ADGRG1: variants seen among roughly 807,000 people sequenced by gnomAD.
ADGRG1 encodes the protein 7-transmembrane protein with no EGF-like N-terminal domains-1.
A neutral mutation model predicts 73.5 loss-of-function variants in ADGRG1; 53 were observed. The ratio of observed to expected loss-of-function variants is 0.72; its 90% confidence interval spans 0.58 to 0.91. The LOEUF is 0.91. Among genes scored for constraint, ADGRG1 ranks in the 40% least tolerant of loss-of-function variants. ADGRG1 has a pLI of 0.00. For missense variants in ADGRG1, 795 were observed against 871.8 expected, an observed-to-expected ratio of 0.91 and a Z score of 1.11; for synonymous variants, 394 against 374.4, an observed-to-expected ratio of 1.05 and a Z score of -0.60.
At chr16:57,635,453 G>A (rs989849592) in intron 1 of ADGRG1, 3 of 985,170 alleles carry the variant, frequency 3.0e-6, no homozygotes, top group Middle Eastern at 5.2e-4. Flanking sequence ...CAGCCATGGT[G>A]GGGGAGGACA....
chr16:57,631,420 G>C lies in ADGRG1; in HGVS notation c.-36+2618G>C, dbSNP rs2037874679. 6.1e-6 allele frequency: 6 copies of C among 985,256 alleles called. No individual in the cohort carries two copies. In the South Asian group the frequency reaches 2.3e-4, roughly 39 times the overall value. 61.0% of individuals were successfully genotyped at this position (985,256 alleles called of 1,614,324 possible). A position where few individuals can be genotyped will look rare whatever the true frequency, so the allele number is the denominator to read the frequency against. ...TCAGGGATGCAGGATGGGCTTCCAT[G>C]TGGCAGGGCTCCCAGGGAGGCCATG... On this transcript the variant is annotated intron_variant, in intron 1 of 13. Coordinates refer to ENST00000562631, the MANE Select transcript of ADGRG1 (RefSeq NM_201525.4).
chr16:57,660,917 T>G (rs1177322124), intron 12 of ADGRG1, 41 bp downstream of exon 12: 2 of 1,222,314 alleles, frequency 1.6e-6, no homozygotes, highest in Non-Finnish European at 2.4e-6. Flanking sequence ...GGTGGGTCTC[T>G]GGGCACAGAG....
chr16:57,624,980 C>A (rs1478420694), upstream of ADGRG1, among the ~76,000 whole-genome samples: 1 of 152,148 alleles, frequency 6.6e-6, no homozygotes, highest in African/African-American at 2.4e-5. Flanking sequence ...TGGAGAGATG[C>A]TTGCCCAAGT....
chr16:57,629,727 C>A (rs2037198122), intron 1 of ADGRG1, among the ~76,000 whole-genome samples: 1 of 152,150 alleles, frequency 6.6e-6, no homozygotes, highest in African/African-American at 2.4e-5. Context: ...GGCTGAACAC[C>A]CTGCCCGTTG....
intron 1 of ADGRG1, chr16:57,648,855 T>C: frequency 3.8e-6 from 1 of 264,232 alleles, no homozygotes; most frequent in Non-Finnish European, 5.9e-6. Flanking sequence ...ACAGGTTCCC[T>C]GCCAGGCACT....
At chr16:57,622,589 T>G in intron 2 of ADGRG1, 1 of 166,266 alleles carries the variant, frequency 6.0e-6, no homozygotes, top group Non-Finnish European at 1.2e-5. Flanking sequence ...GGCAGGCATG[T>G]GATTGGGTGA....
intron 1 of ADGRG1, chr16:57,630,579 G>T: frequency 1.0e-6 from 1 of 963,198 alleles, no homozygotes; most frequent in Non-Finnish European, 1.2e-6. Context: ...GATCTGTGAC[G>T]GACAGGCTGT....
chr16:57,654,242 G>A, intron 5 of ADGRG1, 109 bp downstream of exon 5: 1 of 1,136,508 alleles, frequency 8.8e-7, no homozygotes, highest in Non-Finnish European at 1.2e-6. Context: ...CCTCTCCCTG[G>A]GGCCTCCCGA....
intron 1 of ADGRG1, 119 bp downstream of exon 1, chr16:57,628,921 A>AGAGT (rs2036650223): frequency 3.1e-6 from 2 of 645,338 alleles, no homozygotes; most frequent in African/African-American, 8.9e-5. Flanking sequence ...TGTGAGAGTG[A>AGAGT]GTGTGAGTGT....
chr16:57,659,336 G>T, intron 10 of ADGRG1, 77 bp from the exon 11 acceptor site: 2 of 1,608,204 alleles, frequency 1.2e-6, no homozygotes, highest in South Asian at 1.1e-5. Flanking sequence ...GTCTGGGAAG[G>T]CTTCCTGGAG....
chr16:57,654,166 G>A (rs745858377), intron 5 of ADGRG1, 33 bp downstream of exon 5: 14 of 1,599,278 alleles, frequency 8.8e-6, no homozygotes, highest in East Asian at 2.2e-5. Context: ...AAGCAGATGC[G>A]GGTTGGGCCG....
chr16:57,633,530 C>A (rs1305994046), intron 1 of ADGRG1: 18 of 984,860 alleles, frequency 1.8e-5, no homozygotes, highest in Non-Finnish European at 2.2e-5. Flanking sequence ...AGAGGCAGCA[C>A]GAGGTGGGCT....
Position 57,659,682 on chromosome 16 carries a change from G to T in ADGRG1, c.1555+1G>T, listed in dbSNP as rs2046596583. On this transcript the variant is annotated splice_donor_variant, in intron 11 of 13. Transcript: ENST00000562631. LOFTEE classifies it high-confidence loss of function. ...CTCAAGCTGAGCGCCATGGGCTGGG[G>T]TAAGTGGTTGGGCGGGGGGTGCCTC... The T allele has an allele frequency of 1.9e-6, 3 of 1,613,482 alleles. No individual in the cohort carries two copies. Among genetic ancestry groups the T allele is most frequent in the African/African-American group, 2.7e-5 (2 of 74,894 alleles).
intron 1 of ADGRG1, among the ~76,000 whole-genome samples, chr16:57,644,731 A>T (rs2042017188): frequency 2.2e-5 from 2 of 92,240 alleles, no homozygotes; most frequent in Non-Finnish European, 4.4e-5. Context: ...GCACTGGCAC[A>T]CACTGATCAC....
chr16:57,628,899 TGA>T lies in ADGRG1; in HGVS notation c.-36+99_-36+100del, dbSNP rs1258688824. The T allele has an allele frequency of 3.8e-3, 3,388 of 896,878 alleles. 116 individuals carry two copies. The African/African-American group carries it at 0.07, about 19-fold the overall frequency. The allele number at this position is 896,878 out of a possible 1,614,324, so 55.6% of individuals were successfully genotyped here. A position where few individuals can be genotyped will look rare whatever the true frequency, so the allele number is the denominator to read the frequency against. ...GTGAGTGTGTGAGAGTGTGAGTGTG[TGA>T]GTGTGAGTGTGTGAGAGTGAGTGTG... On this transcript the variant is annotated intron_variant, in intron 1 of 13. Coordinates refer to ENST00000562631, the MANE Select transcript of ADGRG1 (RefSeq NM_201525.4).
intron 1 of ADGRG1, among the ~76,000 whole-genome samples, chr16:57,645,727 G>A (rs1253010379): frequency 1.3e-5 from 2 of 152,202 alleles, no homozygotes; most frequent in African/African-American, 4.8e-5. Context: ...TTTGGGCCGG[G>A]ACTGTGAATC....
intron 13 of ADGRG1, chr16:57,662,773 T>G (rs2047536041): frequency 5.4e-6 from 1 of 184,248 alleles, no homozygotes; most frequent in Admixed American, 6.5e-5. Flanking sequence ...TCTGTGCATG[T>G]ACCTGTGTGT....
chr16:57,626,744 C>G (rs2035912858), upstream of ADGRG1: 10 of 985,310 alleles, frequency 1.0e-5, no homozygotes, highest in Non-Finnish European at 1.2e-5. Flanking sequence ...GGGGGGACAG[C>G]TGCCCTGTGG....
At position 57,663,687 on chromosome 16, in the gene ADGRG1, T is replaced by C. The variant is rs1043216807; in HGVS notation, c.*105T>C. On this transcript the variant is annotated 3_prime_UTR_variant, in exon 14 of 14. Transcript: ENST00000562631. Reference sequence around the variant, plus strand: ...AGCCCCAGGCCAGTCAGCCGCAGACTTTGGAAAGCCCAACGACCATGGAGA... The same window carrying C: ...AGCCCCAGGCCAGTCAGCCGCAGACCTTGGAAAGCCCAACGACCATGGAGA... The C allele has an allele frequency of 7.3e-5, 97 of 1,337,600 alleles. No individual in the cohort carries two copies. The highest frequency in any genetic ancestry group is 9.4e-5 in the Non-Finnish European group (89 of 947,192). The allele number at this position is 1,337,600 out of a possible 1,614,324, so 82.9% of individuals were successfully genotyped here.
Sources: allele counts gnomAD v4.1 joint callset (sites outside exome capture counted in the v4.1 genomes callset), GRCh38; gene constraint gnomAD v4.1.1; transcripts MANE v1.5; gene names NCBI Gene and HGNC (gene_info 2026-07-23, HGNC 2026-07-21).